The following MUC5B variants were observed in gnomAD, a reference collection of about 807,000 sequenced individuals.
The protein encoded by MUC5B is mucin 5B, oligomeric mucus/gel-forming.
In MUC5B, 116 loss-of-function variants were observed where a neutral mutation model predicts 376.9. That is an observed-to-expected ratio of 0.31 (90% CI 0.26 to 0.36). The LOEUF (loss-of-function observed/expected upper bound fraction) is 0.36. Among genes scored for constraint, MUC5B ranks in the 10% least tolerant of loss-of-function variants. MUC5B has a pLI of 1.00. For synonymous variants in MUC5B, 3,517 were observed against 3,390.9 expected, an observed-to-expected ratio of 1.04 and a Z score of -1.29; for missense variants, 7,165 against 7,769.9, an observed-to-expected ratio of 0.92 and a Z score of 2.93.
At position 1,257,512 on chromosome 11, in the gene MUC5B, C is replaced by A. The variant is rs368966166; in HGVS notation, c.16270-18C>A. ...TGTCTGTCCAGGAGCCCTCAGGGAC[C>A]CCCTTGATCCATTCCAGCCCGGGGA... On this transcript the variant is annotated intron_variant, in intron 40 of 48. Transcript: ENST00000529681. The surrounding 1 kb of genome is among the most constrained non-coding windows in gnomAD (Gnocchi z 8.9). 2 of 1,603,458 alleles carry A rather than the reference C, an allele frequency of 1.2e-6. No homozygotes were observed. Among genetic ancestry groups the A allele is most frequent in the African/African-American group, 1.3e-5 (1 of 74,814 alleles).
rs769610531 is a variant in MUC5B, at chr11:1,246,597, C to T, written c.9717C>T (p.Ala3239=). 14 of 1,613,168 alleles carry T rather than the reference C, an allele frequency of 8.7e-6. No homozygotes were observed. Among genetic ancestry groups the T allele is most frequent in the African/African-American group, 5.4e-5 (4 of 74,696 alleles). The change falls in exon 31 of 49, where the codon GCC becomes GCT. Residue 3239 remains alanine, a synonymous_variant. Coordinates refer to ENST00000529681, the MANE Select transcript of MUC5B (RefSeq NM_002458.3). ...ATTPTATSVT[A]IPSSSLGTAW... The stretch of plus-strand genomic sequence containing the variant: ...CACCCACAGCTACCAGCGTTACAGC[C>T]ATCCCCTCTTCCTCCCTGGGCACCG...
chr11:1,234,336 AG>A lies in MUC5B; in HGVS notation c.2478+34del. ...TTCCATGCTTCAGGGAGGGGTGGGC[AG>A]GGAAGGGGTCCCAGCTTTCCCAGCT... On this transcript the variant is annotated intron_variant, in intron 20 of 48. Transcript: ENST00000529681. The surrounding 1 kb of genome is among the most constrained non-coding windows in gnomAD (Gnocchi z 6.3). The A allele has an allele frequency of 1.3e-6, 1 of 744,188 alleles. No homozygotes were observed. Among genetic ancestry groups the A allele is most frequent in the Non-Finnish European group, 2.3e-6 (1 of 440,614 alleles). 46.1% of individuals were successfully genotyped at this position (744,188 alleles called of 1,614,324 possible). A position where few individuals can be genotyped will look rare whatever the true frequency, so the allele number is the denominator to read the frequency against.
rs750225000 is a variant in MUC5B, at chr11:1,233,205, C to T, written c.2258C>T (p.Pro753Leu). Reference protein sequence around the residue: ...AGACVPAQECPCYAHGTVLAP... With the variant: ...AGACVPAQECLCYAHGTVLAP... The stretch of plus-strand genomic sequence containing the variant: ...GCCTGTGTGCCCGCCCAGGAGTGCC[C>T]CTGCTACGCTCACGGCACCGTGCTG... The change falls in exon 18 of 49, where the codon CCC (proline) becomes CTC (leucine). Residue 753 changes from proline (P) to leucine (L), a missense_variant. Around this residue, in one of 31 missense-constraint regions of MUC5B, gnomAD observed 530 missense variants for 604.0 expected, o/e 0.88. Transcript: ENST00000529681. The T allele has an allele frequency of 4.4e-5, 71 of 1,601,450 alleles. 2 individuals are homozygous for T. In the South Asian group the frequency reaches 5.8e-4, roughly 13 times the overall value.
intron 9 of MUC5B, 60 bp downstream of exon 9, chr11:1,229,355 C>T: frequency 6.8e-7 from 1 of 1,461,384 alleles, no homozygotes; most frequent in Non-Finnish European, 9.1e-7. Flanking sequence ...CCCAACCCCG[C>T]CCCCAGCCTC....
At chr11:1,229,842 G>C in intron 10 of MUC5B, 35 bp downstream of exon 10, 1 of 1,559,318 alleles carries the variant, frequency 6.4e-7, no homozygotes, top group African/African-American at 1.4e-5. Context: ...GCCTGGGGTG[G>C]GGTGTGGAGC....
In MUC5B at chr11:1,261,861, C is replaced by A. The variant is rs1243751090; in HGVS notation, c.*253C>A. The A allele has an allele frequency of 1.5e-6, 1 of 686,918 alleles. No individual in the cohort carries two copies. The highest frequency in any genetic ancestry group is 2.7e-6 in the Non-Finnish European group (1 of 375,432). The allele number at this position is 686,918 out of a possible 1,614,324, so 42.6% of individuals were successfully genotyped here. A position where few individuals can be genotyped will look rare whatever the true frequency, so the allele number is the denominator to read the frequency against. On this transcript the variant is annotated 3_prime_UTR_variant, in exon 49 of 49. Coordinates refer to ENST00000529681, the MANE Select transcript of MUC5B (RefSeq NM_002458.3). Reference sequence around the variant, plus strand: ...CCTGTGGCCCACCTTGGCCTTGCCCCTCCCTGATGTCACTGGGACGCCCTG... The same window carrying A: ...CCTGTGGCCCACCTTGGCCTTGCCCATCCCTGATGTCACTGGGACGCCCTG...
chr11:1,228,198 G>T (rs994908374), intron 7 of MUC5B, among the ~76,000 whole-genome samples: 57 of 152,198 alleles, frequency 3.7e-4, no homozygotes, highest in Admixed American at 2.6e-4. Flanking sequence ...GCAGCCGGCA[G>T]CCCTGGGCCT....
At position 1,227,708 on chromosome 11, in the gene MUC5B, T is replaced by C. The variant is rs1438480892; in HGVS notation, c.701T>C (p.Leu234Pro). 2 of 723,934 alleles carry C rather than the reference T, an allele frequency of 2.8e-6. No homozygotes were observed. Among genetic ancestry groups the C allele is most frequent in the Non-Finnish European group, 5.1e-6 (2 of 388,786 alleles). 44.8% of individuals were successfully genotyped at this position (723,934 alleles called of 1,614,324 possible). ...CTGACCCCGCTCCAGTTTGGGAACC[T>C]GCAGAAGTTGGATGGGCCCACGGAG... is the stretch of plus-strand genomic sequence containing the variant. ...ARLTPLQFGNLQKLDGPTEQC... is the reference protein window; with the variant it reads ...ARLTPLQFGNPQKLDGPTEQC... Residue 234 changes from leucine (L) to proline (P), a missense_variant, in exon 7 of 49, where the codon CTG (leucine) becomes CCG (proline). Leu to Pro is a moderately conservative substitution (Grantham distance 98). This residue lies in a region of MUC5B where 640 missense variants were observed against 733.0 expected (regional missense o/e 0.87). Transcript: ENST00000529681.
At chr11:1,239,727 T>G in intron 27 of MUC5B, 72 bp from the exon 28 acceptor site, 7 of 1,527,222 alleles carry the variant, frequency 4.6e-6, no homozygotes, top group Non-Finnish European at 6.1e-6. Flanking sequence ...GGCTACTCCC[T>G]GCAGCATGGA....
At chr11:1,225,632 T>C in intron 1 of MUC5B, 49 bp from the exon 2 acceptor site, 2 of 1,538,568 alleles carry the variant, frequency 1.3e-6, no homozygotes, top group Non-Finnish European at 1.8e-6. Flanking sequence ...GGTTCGTGGC[T>C]GGCAGCCACA....
In MUC5B at chr11:1,236,590, C is replaced by T. The variant is rs376934978; in HGVS notation, c.3057+28C>T. The T allele has an allele frequency of 7.6e-5, 121 of 1,597,222 alleles. No individual in the cohort carries two copies. In the African/African-American group the frequency reaches 1.5e-3, roughly 19 times the overall value. On this transcript the variant is annotated intron_variant, in intron 24 of 48. Transcript: ENST00000529681. The stretch of plus-strand genomic sequence containing the variant: ...GAGCTCGGGCCGTGCACTCCTAGGC[C>T]CTGCAGGACCCTCTCACAGTGACAG...
chr11:1,245,834 C>T lies in MUC5B; in HGVS notation c.8954C>T (p.Ser2985Phe). Residue 2985 changes from serine (S) to phenylalanine (F), a missense_variant, in exon 31 of 49, where the codon TCC (serine) becomes TTC (phenylalanine). Transcript: ENST00000529681. ...PATSSTATPS[S>F]TPGTTWILTE... is the part of the protein sequence containing the mutation. Reference sequence around the variant, plus strand: ...ACCAGCTCTACGGCCACGCCCTCCTCCACTCCAGGGACGACCTGGATCCTC... The same window carrying T: ...ACCAGCTCTACGGCCACGCCCTCCTTCACTCCAGGGACGACCTGGATCCTC... 1 of 1,613,602 alleles carries T rather than the reference C, an allele frequency of 6.2e-7. No homozygotes were observed. Among genetic ancestry groups the T allele is most frequent in the Non-Finnish European group, 8.5e-7 (1 of 1,179,832 alleles).
rs1348837518 is a variant in MUC5B at position 1,258,225 on chromosome 11, C to G, written c.16555+22C>G. The G allele has an allele frequency of 1.9e-6, 3 of 1,573,290 alleles. No individual in the cohort carries two copies. The South Asian group carries it at 3.5e-5, about 18-fold the overall frequency. ...TGCAGTGAGCGGGGCTGGGGCCGGG[C>G]TCCTGGGTGGCCTCTTGCTGGGGGT... On this transcript the variant is annotated intron_variant, in intron 42 of 48. Transcript: ENST00000529681. The surrounding 1 kb of genome is among the most constrained non-coding windows in gnomAD (Gnocchi z 5.5).
At chr11:1,252,229 C>T (rs1862722795) in intron 31 of MUC5B, 114 bp from the exon 32 acceptor site, 1 of 1,069,008 alleles carries the variant, frequency 9.4e-7, no homozygotes, top group Non-Finnish European at 1.3e-6. Context: ...CTCTCCACTC[C>T]CTTCCCTGGA....
chr11:1,257,893 G>T lies in MUC5B; in HGVS notation c.16450+183G>T, dbSNP rs867933890. On this transcript the variant is annotated intron_variant, in intron 41 of 48. Transcript: ENST00000529681. This position sits in a 1 kb window ranked among gnomAD's most constrained non-coding sequence, Gnocchi z 8.9. ...GCTTCATTCTCCTCCTAACGATGAG[G>T]CTGGTGACCTCTGGCCTGCCCAGGA... 1.3e-5 allele frequency among the ~76,000 whole-genome samples: 2 copies of T among 152,204 alleles called. No individual in the cohort carries two copies. Among genetic ancestry groups the T allele is most frequent in the African/African-American group, 2.4e-5 (1 of 41,454 alleles).
intron 18 of MUC5B, among the ~76,000 whole-genome samples, chr11:1,233,479 G>C (rs1293525659): frequency 1.3e-5 from 2 of 152,166 alleles, no homozygotes; most frequent in African/African-American, 4.8e-5. Flanking sequence ...GAGGACACCT[G>C]CTGGCTGTTC....
In MUC5B at chr11:1,257,783, TGGGTTGG is replaced by T. The variant is rs1329452008; in HGVS notation, c.16450+75_16450+81del. On this transcript the variant is annotated intron_variant, in intron 41 of 48. Coordinates refer to ENST00000529681, the MANE Select transcript of MUC5B (RefSeq NM_002458.3). This position sits in a 1 kb window ranked among gnomAD's most constrained non-coding sequence, Gnocchi z 8.9. ...AGAGCCGGTGCCCACCAGGGGCCTG[TGGGTTGG>T]GCACAGGAGAGCAGAGGAGAGCCAC... The T allele has an allele frequency of 6.1e-6, 9 of 1,473,244 alleles. No homozygotes were observed. In the East Asian group the frequency reaches 7.5e-5, roughly 12 times the overall value. The allele number at this position is 1,473,244 out of a possible 1,614,324, so 91.3% of individuals were successfully genotyped here.
chr11:1,232,201 G>C lies in MUC5B; in HGVS notation c.1843+41G>C, dbSNP rs538935898. On this transcript the variant is annotated intron_variant, in intron 15 of 48. Coordinates refer to ENST00000529681, the MANE Select transcript of MUC5B (RefSeq NM_002458.3). ...ACCCCCACAGTCACCCCAGGCTCAA[G>C]TCCCACCCAGCACCTTCCTGTCCCC... The C allele has an allele frequency of 4.5e-6, 7 of 1,543,104 alleles. No individual in the cohort carries two copies. In the African/African-American group the frequency reaches 9.5e-5, roughly 21 times the overall value.
At chr11:1,231,606 G>T (rs757476752) in intron 14 of MUC5B, 46 bp downstream of exon 14, 131 of 1,527,470 alleles carry the variant, frequency 8.6e-5, no homozygotes, top group Admixed American at 2.0e-4. Context: ...TTGGGGACGG[G>T]GCCTGGACTA....
Sources: gnomAD v4.1 joint callset for allele counts (sites outside exome capture counted in the v4.1 genomes callset) on GRCh38, gnomAD v4.1.1 for gene constraint, gnomAD v4.1.1 regional missense constraint, Gnocchi (gnomAD v3.1) non-coding constraint, MANE v1.5 for transcripts, NCBI Gene and HGNC (gene_info 2026-07-23, HGNC 2026-07-21) for gene names.